The following PCSK5 variants were observed in gnomAD, a reference collection of about 807,000 sequenced individuals.
PCSK5 encodes proprotein convertase subtilisin/kexin type 5, also known as prohormone convertase 5.
Under a neutral mutation model 233.2 loss-of-function variants are expected in PCSK5, and 129 were observed. That is an observed-to-expected ratio of 0.55 (90% CI 0.48 to 0.64). The LOEUF (loss-of-function observed/expected upper bound fraction) is 0.64, where lower values mean the gene tolerates loss of function less well. Ranked by LOEUF, PCSK5 falls within the 30% of genes least tolerant of loss-of-function variation. PCSK5 has a pLI of 0.00. For synonymous variants in PCSK5, 825 were observed against 879.2 expected (o/e 0.94, Z 1.09); for missense variants, 2,076 against 2,430.1 (o/e 0.85, Z 3.06).
At chr9:76,319,503 T>G (rs188805293) in intron 30 of PCSK5, among the ~76,000 whole-genome samples, 114 of 147,460 alleles carry the variant, frequency 7.7e-4, no homozygotes, top group African/African-American at 1.5e-3. Flanking sequence ...GAAGGGACAT[T>G]GTGAGAAGTG....
intron 3 of PCSK5, among the ~76,000 whole-genome samples, chr9:76,011,182 A>G (rs554722797): frequency 1.3e-5 from 2 of 152,342 alleles, no homozygotes; most frequent in African/African-American, 4.8e-5. Context: ...TTTCTTGCTC[A>G]TTATACTCCA....
At chr9:76,075,627 A>G (rs928781288) in intron 7 of PCSK5, among the ~76,000 whole-genome samples, 22 of 152,318 alleles carry the variant, frequency 1.4e-4, no homozygotes, top group African/African-American at 5.3e-4. Context: ...ATAATTGAAT[A>G]AAAACTTAAT....
intron 7 of PCSK5, among the ~76,000 whole-genome samples, chr9:76,083,566 T>A (rs1215901471): frequency 6.6e-6 from 1 of 152,230 alleles, no homozygotes; most frequent in Non-Finnish European, 1.5e-5. Context: ...TCTATTGTAT[T>A]TAGGGGTCCA....
At chr9:76,266,343 T>C (rs1827332350) in intron 24 of PCSK5, among the ~76,000 whole-genome samples, 1 of 152,164 alleles carries the variant, frequency 6.6e-6, no homozygotes. Flanking sequence ...AATTACATGG[T>C]ACTTACTATA....
At chr9:76,184,142 T>G (rs1380596723) in intron 16 of PCSK5, among the ~76,000 whole-genome samples, 1 of 152,170 alleles carries the variant, frequency 6.6e-6, no homozygotes, top group Non-Finnish European at 1.5e-5. Context: ...AAATAGTGTT[T>G]AAAATAAACA....
chr9:76,345,749 T>G (rs1419163757), intron 35 of PCSK5, among the ~76,000 whole-genome samples: 2 of 151,104 alleles, frequency 1.3e-5, no homozygotes, highest in African/African-American at 4.9e-5. Context: ...AGACAGAGTC[T>G]CGCTTTGTTG....
rs543860101 is a variant in PCSK5 at position 76,102,841 on chromosome 9, A to C, written c.1108-4410A>C. Among the ~76,000 whole-genome samples the C allele has an allele frequency of 2.6e-5, 4 of 152,326 alleles. No homozygotes were observed. In the South Asian group the frequency reaches 8.3e-4, roughly 32 times the overall value. On this transcript the variant is annotated intron_variant, in intron 8 of 37. Transcript: ENST00000674117. The stretch of plus-strand genomic sequence containing the variant: ...AAGAGTTGAAGTATAGAATGAAATG[A>C]ATATAAAGGAGCTTGATTTTAGGGA...
chr9:76,339,491 GTA>G (rs1438622549), intron 35 of PCSK5, among the ~76,000 whole-genome samples: 1 of 151,964 alleles, frequency 6.6e-6, no homozygotes, highest in Non-Finnish European at 1.5e-5. Context: ...TGGTATAATG[GTA>G]TATCTCTCCA....
At chr9:76,166,779 T>G (rs1823103815) in intron 12 of PCSK5, among the ~76,000 whole-genome samples, 1 of 152,200 alleles carries the variant, frequency 6.6e-6, no homozygotes, top group Non-Finnish European at 1.5e-5. Flanking sequence ...AGGAAGGAAG[T>G]GGTTCTAAAC....
chr9:76,323,372 C>CT (rs1564180338), intron 32 of PCSK5, 84 bp downstream of exon 32: 63 of 779,690 alleles, frequency 8.1e-5, no homozygotes, highest in Admixed American at 1.1e-4. Context: ...TCATCTCAAT[C>CT]TTTTTTTTGT....
At chr9:76,318,651 G>C (rs1465700526) in intron 30 of PCSK5, among the ~76,000 whole-genome samples, 1 of 152,092 alleles carries the variant, frequency 6.6e-6, no homozygotes, top group African/African-American at 2.4e-5. Flanking sequence ...CTGGAAGAAG[G>C]TGATTTGCAC....
chr9:76,144,816 ACT>A (rs1823379243), intron 10 of PCSK5, among the ~76,000 whole-genome samples: 1 of 152,208 alleles, frequency 6.6e-6, no homozygotes, highest in Admixed American at 6.5e-5. Context: ...ACTCAGTGTT[ACT>A]AGAGTCAAAT....
intron 23 of PCSK5, among the ~76,000 whole-genome samples, chr9:76,239,713 A>T (rs1235079262): frequency 6.6e-6 from 1 of 151,908 alleles, no homozygotes; most frequent in Non-Finnish European, 1.5e-5. Flanking sequence ...AAAAAAAAGA[A>T]AAAAAAGAAA....
chr9:76,324,239 T>C lies in PCSK5; in HGVS notation c.4339+951T>C, dbSNP rs968166871. ...TGGCGCTCGGTCCATATTTTGTTAT[T>C]GTTGTTCTTGAGATGGAGTCTCACT... On this transcript the variant is annotated intron_variant, in intron 32 of 37. Coordinates refer to ENST00000674117, the MANE Select transcript of PCSK5 (RefSeq NM_001372043.1). Among the ~76,000 whole-genome samples, 6 of 151,944 alleles carry C rather than the reference T, an allele frequency of 3.9e-5. No individual in the cohort carries two copies. The East Asian group carries it at 1.2e-3, about 29-fold the overall frequency.
chr9:76,153,570 T>C (rs1341963060), intron 10 of PCSK5, among the ~76,000 whole-genome samples: 2 of 152,240 alleles, frequency 1.3e-5, no homozygotes, highest in Non-Finnish European at 2.9e-5. Flanking sequence ...ATAAATAAGA[T>C]TACTTTCGTT....
At chr9:76,345,088 G>A (rs1050992499) in intron 35 of PCSK5, among the ~76,000 whole-genome samples, 1 of 152,138 alleles carries the variant, frequency 6.6e-6, no homozygotes, top group Admixed American at 6.5e-5. Context: ...AGTAGTGAGA[G>A]TAGTACCCAA....
At chr9:76,322,948 G>A (rs1171819038) in intron 31 of PCSK5, 104 bp from the exon 32 acceptor site, 2 of 672,048 alleles carry the variant, frequency 3.0e-6, no homozygotes, top group African/African-American at 3.6e-5. Context: ...CATACTCTCA[G>A]GTCAAATCAA....
At chr9:76,078,148 T>A (rs1707358423) in intron 7 of PCSK5, among the ~76,000 whole-genome samples, 1 of 152,224 alleles carries the variant, frequency 6.6e-6, no homozygotes. Flanking sequence ...TTTTTGATTG[T>A]TGAATTGTTT....
intron 1 of PCSK5, among the ~76,000 whole-genome samples, chr9:75,894,752 C>T (rs1002593536): frequency 5.9e-5 from 9 of 152,122 alleles, no homozygotes; most frequent in African/African-American, 1.9e-4. Flanking sequence ...GTGTGCATGC[C>T]TATTGACCTG....
Sources: allele counts gnomAD v4.1 joint callset (sites outside exome capture counted in the v4.1 genomes callset), GRCh38; gene constraint gnomAD v4.1.1; transcripts MANE v1.5; gene names NCBI Gene and HGNC (gene_info 2026-07-23, HGNC 2026-07-21).